XPR1: variants seen among roughly 807,000 people sequenced by gnomAD.
XPR1 encodes the protein solute carrier family 53 member 1.
A neutral mutation model predicts 87.5 loss-of-function variants in XPR1; 28 were observed. The observed-to-expected ratio is 0.32, with a 90% confidence interval of 0.24 to 0.44. The LOEUF is 0.44. XPR1 is among the 20% of genes least tolerant of loss of function. XPR1 has a pLI of 1.00. For synonymous variants in XPR1, 300 were observed against 306.1 expected (o/e 0.98, Z 0.21); for missense variants, 559 against 862.3 (o/e 0.65, Z 4.41).
intron 2 of XPR1, among the ~76,000 whole-genome samples, chr1:180,719,692 T>C (rs1385738092): frequency 1.3e-5 from 2 of 152,192 alleles, no homozygotes; most frequent in Non-Finnish European, 2.9e-5. Flanking sequence ...ATCAGGATAG[T>C]TGGGTTATCT....
chr1:180,668,202 A>G (rs1048834737), intron 1 of XPR1, among the ~76,000 whole-genome samples: 17 of 144,698 alleles, frequency 1.2e-4, no homozygotes, highest in African/African-American at 4.2e-4. Flanking sequence ...GATCTCAGTC[A>G]ATTGCAACCT....
intron 11 of XPR1, among the ~76,000 whole-genome samples, chr1:180,857,070 A>G (rs1317300068): frequency 6.6e-6 from 1 of 152,252 alleles, no homozygotes; most frequent in Admixed American, 6.5e-5. Flanking sequence ...CATTTTAGGT[A>G]TAGATTACAT....
At chr1:180,810,805 A>G (rs528109869) in intron 6 of XPR1, among the ~76,000 whole-genome samples, 3 of 150,306 alleles carry the variant, frequency 2.0e-5, no homozygotes, top group Non-Finnish European at 4.5e-5. Context: ...ATATGTATAT[A>G]TGTGTATATA....
At chr1:180,640,809 G>A (rs1220736964) in intron 1 of XPR1, among the ~76,000 whole-genome samples, 2 of 152,202 alleles carry the variant, frequency 1.3e-5, no homozygotes, top group Non-Finnish European at 2.9e-5. Context: ...GTAAAAAGAG[G>A]AGGACAAAAG....
At chr1:180,769,863 G>A (rs571783056) in intron 2 of XPR1, among the ~76,000 whole-genome samples, 113 of 152,170 alleles carry the variant, frequency 7.4e-4, no homozygotes, top group Non-Finnish European at 1.2e-3. Context: ...ACTGTTCTCC[G>A]TAGTGGTTGT....
intron 1 of XPR1, among the ~76,000 whole-genome samples, chr1:180,676,971 A>G (rs1011227850): frequency 1.3e-5 from 2 of 152,170 alleles, no homozygotes; most frequent in Non-Finnish European, 2.9e-5. Context: ...TGAACAGAAT[A>G]GTATGATGTT....
chr1:180,760,777 T>C (rs979948519), intron 2 of XPR1, among the ~76,000 whole-genome samples: 9 of 152,126 alleles, frequency 5.9e-5, no homozygotes, highest in Non-Finnish European at 1.5e-5. Flanking sequence ...TTAAAGTTCA[T>C]ATGGAACCAA....
At chr1:180,820,127 T>G (rs1650573105) in intron 7 of XPR1, among the ~76,000 whole-genome samples, 1 of 152,230 alleles carries the variant, frequency 6.6e-6, no homozygotes, top group Non-Finnish European at 1.5e-5. Context: ...TTTTCTGTTT[T>G]TTTTAATTGA....
chr1:180,827,351 C>T (rs113700503), intron 9 of XPR1, among the ~76,000 whole-genome samples: 2,162 of 152,054 alleles, frequency 0.014, 40 homozygotes, highest in African/African-American at 0.049. Flanking sequence ...ACTATGATTA[C>T]GTAATTACAG....
At chr1:180,727,746 A>G (rs1571772120) in intron 2 of XPR1, among the ~76,000 whole-genome samples, 2 of 152,200 alleles carry the variant, frequency 1.3e-5, no homozygotes, top group Non-Finnish European at 2.9e-5. Flanking sequence ...CTGGTTGCCC[A>G]TTTTTATGGT....
chr1:180,710,771 G>C (rs908707327), intron 2 of XPR1, among the ~76,000 whole-genome samples: 1 of 152,056 alleles, frequency 6.6e-6, no homozygotes, highest in African/African-American at 2.4e-5. Context: ...TCCCAGAAGG[G>C]GTGGCCGGGC....
At position 180,806,136 on chromosome 1, in the gene XPR1, T is replaced by C; in HGVS notation, c.522T>C (p.Asp174=). The change falls in exon 5 of 15, where the codon GAT becomes GAC. Residue 174 remains aspartate (D), a synonymous_variant. Transcript: ENST00000367590. The part of the protein sequence containing the change: ...DKILETSRGA[D]WRVAHVEVAP... Reference sequence around the variant, plus strand: ...TCCTGGAAACATCTCGTGGAGCAGATTGGCGAGTGGCTCACGTAGAGGTGG... The same window carrying C: ...TCCTGGAAACATCTCGTGGAGCAGACTGGCGAGTGGCTCACGTAGAGGTGG... 1 of 1,613,900 alleles carries C rather than the reference T, an allele frequency of 6.2e-7. No homozygotes were observed. Among genetic ancestry groups the C allele is most frequent in the Non-Finnish European group, 8.5e-7 (1 of 1,179,870 alleles).
chr1:180,696,204 GTGTGTATATATATATATATA>G (rs1261051936), intron 2 of XPR1, among the ~76,000 whole-genome samples: 33 of 102,440 alleles, frequency 3.2e-4, no homozygotes, highest in African/African-American at 1.1e-3. Flanking sequence ...GTGTGTGTGT[GTGTGTATATATATATATATA>G]TATATATTAT....
At chr1:180,736,545 A>G (rs1557981762) in intron 2 of XPR1, among the ~76,000 whole-genome samples, 3 of 152,232 alleles carry the variant, frequency 2.0e-5, no homozygotes, top group African/African-American at 2.4e-5. Context: ...TCTTCACACC[A>G]TGGTCTAGGG....
chr1:180,674,366 C>A (rs926870608), intron 1 of XPR1, among the ~76,000 whole-genome samples: 1 of 152,206 alleles, frequency 6.6e-6, no homozygotes, highest in Non-Finnish European at 1.5e-5. Flanking sequence ...TCAAGTGATT[C>A]TCCTGCCTCA....
intron 2 of XPR1, among the ~76,000 whole-genome samples, chr1:180,689,488 A>G (rs1320982847): frequency 6.6e-6 from 1 of 152,162 alleles, no homozygotes; most frequent in African/African-American, 2.4e-5. Context: ...TTATTACTCC[A>G]TATAGTTCCC....
intron 1 of XPR1, among the ~76,000 whole-genome samples, chr1:180,659,674 A>G (rs1475233397): frequency 7.1e-6 from 1 of 140,764 alleles, no homozygotes; most frequent in Non-Finnish European, 1.5e-5. Flanking sequence ...ACCTGCCACC[A>G]TGCCTGGCTA....
intron 11 of XPR1, among the ~76,000 whole-genome samples, chr1:180,852,381 C>T (rs1295660112): frequency 6.6e-6 from 1 of 152,056 alleles, no homozygotes; most frequent in Admixed American, 6.6e-5. Context: ...AGATACAGAA[C>T]ATTTCCATCA....
At chr1:180,714,216 A>G (rs1280098601) in intron 2 of XPR1, among the ~76,000 whole-genome samples, 1 of 151,280 alleles carries the variant, frequency 6.6e-6, no homozygotes, top group Non-Finnish European at 1.5e-5. Context: ...GATATTGGCC[A>G]TTTGTGTTGT....
Sources: gnomAD v4.1 joint callset for allele counts (sites outside exome capture counted in the v4.1 genomes callset) on GRCh38, gnomAD v4.1.1 for gene constraint, MANE v1.5 for transcripts, NCBI Gene and HGNC (gene_info 2026-07-23, HGNC 2026-07-21) for gene names.